DACH2: variants seen among roughly 807,000 people sequenced by gnomAD.
The protein encoded by DACH2 is dachshund family transcription factor 2, also known as dachshund homolog 2.
Under a neutral mutation model 35.8 loss-of-function variants are expected in DACH2, and 17 were observed. The ratio of observed to expected loss-of-function variants is 0.48; its 90% CI spans 0.33 to 0.71. The LOEUF (loss-of-function observed/expected upper bound fraction) is 0.71, where lower values mean the gene tolerates loss of function less well. Among genes scored for constraint, DACH2 ranks in the 30% least tolerant of loss-of-function variants. The pLI is 0.02. For synonymous variants in DACH2, 195 were observed against 177.3 expected (o/e 1.10, Z -0.79); for missense variants, 469 against 472.7 (o/e 0.99, Z 0.07).
intron 7 of DACH2, among the ~76,000 whole-genome samples, chrX:86,810,295 C>A (rs2042382564): frequency 9.0e-6 from 1 of 111,520 alleles, no homozygotes; most frequent in South Asian, 3.7e-4. Context: ...GTAAAGCAAT[C>A]CTCAGAGTCT....
intron 2 of DACH2, among the ~76,000 whole-genome samples, chrX:86,384,448 A>G (rs2036093031): frequency 8.9e-6 from 1 of 111,789 alleles, no homozygotes; most frequent in South Asian, 3.6e-4. Flanking sequence ...AATGTTAAGA[A>G]ATAGGACTAT....
At chrX:86,418,936 C>T (rs185727235) in intron 2 of DACH2, among the ~76,000 whole-genome samples, 1 of 111,733 alleles carries the variant, frequency 8.9e-6, no homozygotes, top group Non-Finnish European at 1.9e-5. Flanking sequence ...TGCCAGATAC[C>T]CTCAAGTTCA....
chrX:86,503,047 A>G (rs1356973757), intron 2 of DACH2, among the ~76,000 whole-genome samples: 1 of 112,228 alleles, frequency 8.9e-6, no homozygotes, highest in Non-Finnish European at 1.9e-5. Flanking sequence ...GCAATGGTCT[A>G]AAGTCATGAC....
intron 4 of DACH2, among the ~76,000 whole-genome samples, chrX:86,655,297 G>T (rs776505493): frequency 4.1e-4 from 46 of 112,068 alleles, no homozygotes; most frequent in Non-Finnish European, 8.1e-4. Flanking sequence ...TCAGGCAAAA[G>T]AAAAGCAGTC....
intron 3 of DACH2, among the ~76,000 whole-genome samples, chrX:86,631,522 A>G (rs2040200865): frequency 8.9e-6 from 1 of 112,329 alleles, no homozygotes; most frequent in Non-Finnish European, 1.9e-5. Flanking sequence ...ATAATATGGC[A>G]GATCTAAACT....
rs781486890 is a variant in DACH2 at position 86,203,010 on chromosome X, G to A, written c.488+53902G>A. The stretch of plus-strand genomic sequence containing the variant: ...AAAGCTTTAGTTTCTTTTCTAGGCT[G>A]CCATTCCAGTAACATTTGGGAGCAT... On this transcript the variant is annotated intron_variant, in intron 1 of 11. Transcript: ENST00000373125. Among the ~76,000 whole-genome samples, 5 of 110,799 alleles carry A rather than the reference G, an allele frequency of 4.5e-5. No individual in the cohort carries two copies. In the South Asian group the frequency reaches 1.5e-3, roughly 34 times the overall value.
intron 1 of DACH2, among the ~76,000 whole-genome samples, chrX:86,178,515 T>C (rs1173323167): frequency 2.7e-5 from 3 of 111,150 alleles, no homozygotes; most frequent in Admixed American, 1.9e-4. Context: ...TTTATTATAA[T>C]TAAATGTATT....
chrX:86,567,669 G>A (rs1051039547), intron 3 of DACH2, among the ~76,000 whole-genome samples: 9 of 111,381 alleles, frequency 8.1e-5, no homozygotes, highest in Non-Finnish European at 1.1e-4. Context: ...GTAGGTGTCC[G>A]GTAAATATTG....
chrX:86,612,300 G>C (rs990754989), intron 3 of DACH2, among the ~76,000 whole-genome samples: 2 of 107,610 alleles, frequency 1.9e-5, no homozygotes, highest in Admixed American at 1.0e-4. Flanking sequence ...TCTTGGAGCT[G>C]AAGCTCCACC....
At chrX:86,603,717 C>A (rs1388033132) in intron 3 of DACH2, among the ~76,000 whole-genome samples, 2 of 111,354 alleles carry the variant, frequency 1.8e-5, no homozygotes, top group Non-Finnish European at 3.8e-5. Flanking sequence ...TCCACTCTTG[C>A]ACTTGGCTTG....
At chrX:86,556,474 A>G (rs1399979941) in intron 3 of DACH2, among the ~76,000 whole-genome samples, 1 of 109,785 alleles carries the variant, frequency 9.1e-6, no homozygotes, top group Non-Finnish European at 1.9e-5. Flanking sequence ...ACTAGGCCAC[A>G]TTACTTTTCT....
intron 1 of DACH2, among the ~76,000 whole-genome samples, chrX:86,325,018 T>C (rs980242160): frequency 9.0e-6 from 1 of 111,450 alleles, no homozygotes; most frequent in African/African-American, 3.3e-5. Context: ...ACATACATGG[T>C]TTTTTAGATA....
intron 5 of DACH2, among the ~76,000 whole-genome samples, chrX:86,708,147 G>A (rs1008540899): frequency 9.1e-6 from 1 of 109,465 alleles, no homozygotes; most frequent in Non-Finnish European, 1.9e-5. Context: ...GCCTCAACTT[G>A]TTAAAGAACA....
At chrX:86,753,582 G>A (rs766180925) in intron 7 of DACH2, among the ~76,000 whole-genome samples, 3 of 110,597 alleles carry the variant, frequency 2.7e-5, no homozygotes, top group East Asian at 2.9e-4. Context: ...GGTTTTATCC[G>A]GATCATAATT....
intron 1 of DACH2, among the ~76,000 whole-genome samples, chrX:86,192,416 G>A (rs930041054): frequency 8.9e-6 from 1 of 111,885 alleles, no homozygotes; most frequent in Admixed American, 9.6e-5. Flanking sequence ...GCAAATAGCT[G>A]CTTTTAACTT....
At chrX:86,491,642 A>G (rs1870689248) in intron 2 of DACH2, among the ~76,000 whole-genome samples, 2 of 111,865 alleles carry the variant, frequency 1.8e-5, no homozygotes, top group South Asian at 7.4e-4. Flanking sequence ...TATTTTGACC[A>G]TGAAAACAAC....
At chrX:86,438,607 G>C (rs1442213296) in intron 2 of DACH2, among the ~76,000 whole-genome samples, 1 of 112,098 alleles carries the variant, frequency 8.9e-6, no homozygotes, top group Admixed American at 9.4e-5. Context: ...TCAGTGATGG[G>C]CATTTAGGTT....
At chrX:86,214,088 A>AT (rs1400822470) in intron 1 of DACH2, among the ~76,000 whole-genome samples, 2 of 109,350 alleles carry the variant, frequency 1.8e-5, no homozygotes, top group Non-Finnish European at 3.8e-5. Context: ...CCCCTTCCTT[A>AT]TTTTCTATTT....
At chrX:86,755,593 A>ATTTTTT (rs35672351) in intron 7 of DACH2, among the ~76,000 whole-genome samples, 6 of 77,619 alleles carry the variant, frequency 7.7e-5, no homozygotes, top group African/African-American at 3.0e-4. Context: ...TCTTGACCTA[A>ATTTTTT]TTTTTTTTTT....
Sources: allele counts gnomAD v4.1 joint callset (sites outside exome capture counted in the v4.1 genomes callset), GRCh38; gene constraint gnomAD v4.1.1; transcripts MANE v1.5; gene names NCBI Gene and HGNC (gene_info 2026-07-23, HGNC 2026-07-21).